The following NAPB variants were observed in gnomAD, a reference collection of about 807,000 sequenced individuals.
The protein encoded by NAPB is NSF attachment protein beta.
Under a neutral mutation model 44.7 loss-of-function variants are expected in NAPB, and 26 were observed. The observed-to-expected ratio is 0.58, with a 90% confidence interval of 0.43 to 0.81. The LOEUF is 0.81. Ranked by LOEUF, NAPB falls within the 30% of genes least tolerant of loss-of-function variation. NAPB has a pLI of 0.00. For synonymous variants in NAPB, 120 were observed against 116.8 expected, an observed-to-expected ratio of 1.03 and a Z score of -0.18; for missense variants, 315 against 356.4, an observed-to-expected ratio of 0.88 and a Z score of 0.94.
intron 1 of NAPB, among the ~76,000 whole-genome samples, chr20:23,410,999 C>G (rs1005596890): frequency 6.6e-6 from 1 of 152,038 alleles, no homozygotes; most frequent in Non-Finnish European, 1.5e-5. Flanking sequence ...AAGGGGAAAG[C>G]AGATTCTACT....
At chr20:23,404,793 T>C (rs1249917865) in intron 1 of NAPB, among the ~76,000 whole-genome samples, 1 of 152,162 alleles carries the variant, frequency 6.6e-6, no homozygotes, top group Non-Finnish European at 1.5e-5. Flanking sequence ...AAACCACACA[T>C]GTGATACCAC....
intron 5 of NAPB, among the ~76,000 whole-genome samples, chr20:23,394,485 G>A (rs1469660847): frequency 4.6e-5 from 7 of 152,278 alleles, no homozygotes; most frequent in South Asian, 2.1e-4. Flanking sequence ...GCAGGCAGGT[G>A]GATACAGTAA....
chr20:23,407,191 T>TA (rs1985314398), intron 1 of NAPB, among the ~76,000 whole-genome samples: 1 of 152,234 alleles, frequency 6.6e-6, no homozygotes, highest in African/African-American at 2.4e-5. Flanking sequence ...ACCATAACTT[T>TA]AAAACTTCCT....
In NAPB at chr20:23,377,394, T is replaced by C. The variant is rs1268164903; in HGVS notation, c.879A>G (p.Gly293=). 1 of 1,593,188 alleles carries C rather than the reference T, an allele frequency of 6.3e-7. No homozygotes were observed. Among genetic ancestry groups the C allele is most frequent in the East Asian group, 2.3e-5 (1 of 44,424 alleles). Residue 293 remains glycine, a synonymous_variant, in exon 11 of 11, where the codon GGA becomes GGG. Coordinates refer to ENST00000377026, the MANE Select transcript of NAPB (RefSeq NM_022080.3). ...AAACATTTCATTTTAGGTCTCCATC[T>C]CCTTCTCCATCCCCTTGGATGGACT... The part of the protein sequence containing the change: ...IKKSIQGDGE[G]DGDLK
chr20:23,380,462 TG>T (rs1167014860), intron 8 of NAPB, among the ~76,000 whole-genome samples: 1 of 152,192 alleles, frequency 6.6e-6, no homozygotes, highest in Non-Finnish European at 1.5e-5. Context: ...CCTGTTGTTT[TG>T]GTTGTTTTTT....
chr20:23,402,947 ATTT>A (rs779330678), intron 2 of NAPB, 43 bp downstream of exon 2: 4 of 1,457,706 alleles, frequency 2.7e-6, no homozygotes, highest in Middle Eastern at 1.8e-4. Context: ...CTTCAAAGTG[ATTT>A]TAAACCATTT....
intron 10 of NAPB, 91 bp from the exon 11 acceptor site, chr20:23,377,577 G>T: frequency 1.7e-6 from 1 of 572,428 alleles, no homozygotes; most frequent in South Asian, 4.9e-5. Context: ...TACCTTTACA[G>T]CCATAATCTA....
intron 5 of NAPB, among the ~76,000 whole-genome samples, chr20:23,393,035 C>A (rs1159383602): frequency 2.6e-5 from 4 of 152,138 alleles, no homozygotes; most frequent in Non-Finnish European, 5.9e-5. Flanking sequence ...AGTGCTCATC[C>A]CCGCAAGACT....
chr20:23,406,331 G>T (rs2123233708), intron 1 of NAPB, among the ~76,000 whole-genome samples: 1 of 152,240 alleles, frequency 6.6e-6, no homozygotes, highest in South Asian at 2.1e-4. Context: ...ATGGTACAGG[G>T]TTTCTTTCTG....
At chr20:23,381,690 A>G (rs1162993242) in intron 7 of NAPB, among the ~76,000 whole-genome samples, 1 of 152,174 alleles carries the variant, frequency 6.6e-6, no homozygotes, top group African/African-American at 2.4e-5. Context: ...TATCCATGGC[A>G]TGAAACTGAA....
intron 1 of NAPB, among the ~76,000 whole-genome samples, chr20:23,415,875 A>AG (rs1985972822): frequency 6.6e-6 from 1 of 152,114 alleles, no homozygotes; most frequent in Non-Finnish European, 1.5e-5. Context: ...CTGAGGTGGG[A>AG]GGATCTCTTG....
At chr20:23,385,653 C>T (rs1983445476) in intron 7 of NAPB, among the ~76,000 whole-genome samples, 1 of 151,662 alleles carries the variant, frequency 6.6e-6, no homozygotes, top group Non-Finnish European at 1.5e-5. Context: ...TGGAGGGTTG[C>T]AGTGAGCTGA....
At chr20:23,381,703 A>T (rs911929931) in intron 7 of NAPB, among the ~76,000 whole-genome samples, 3 of 152,182 alleles carry the variant, frequency 2.0e-5, no homozygotes, top group African/African-American at 7.2e-5. Flanking sequence ...AAACTGAAGA[A>T]CCAGCAACCC....
intron 5 of NAPB, among the ~76,000 whole-genome samples, chr20:23,392,089 T>C (rs1983999575): frequency 6.6e-6 from 1 of 152,232 alleles, no homozygotes; most frequent in Non-Finnish European, 1.5e-5. Context: ...CATCTGTTAC[T>C]GAGCACCCAC....
rs1245290781 is a variant in NAPB at position 23,374,763 on chromosome 20, T to C, written c.*2613A>G. ...GAAACAATAAATGCACAAGGGCTGG[T>C]GCATATACTTTGGTTACAGTGACGC... On this transcript the variant is annotated 3_prime_UTR_variant, in exon 11 of 11. Coordinates refer to ENST00000377026, the MANE Select transcript of NAPB (RefSeq NM_022080.3). The C allele has an allele frequency of 2.0e-5, 3 of 152,318 alleles. No homozygotes were observed. Among genetic ancestry groups the C allele is most frequent in the Non-Finnish European group, 4.4e-5 (3 of 68,046 alleles). 9.4% of individuals were successfully genotyped at this position (152,318 alleles called of 1,614,324 possible). A position where few individuals can be genotyped will look rare whatever the true frequency, so the allele number is the denominator to read the frequency against.
At chr20:23,403,389 G>A (rs1198406219) in intron 1 of NAPB, among the ~76,000 whole-genome samples, 2 of 152,130 alleles carry the variant, frequency 1.3e-5, no homozygotes, top group Non-Finnish European at 2.9e-5. Context: ...GATCACCTGA[G>A]GTCAGGTGTT....
intron 8 of NAPB, 134 bp from the exon 9 acceptor site, chr20:23,380,069 G>T: frequency 1.7e-6 from 1 of 584,852 alleles, no homozygotes; most frequent in South Asian, 2.9e-5. Context: ...CTCAAAAGCA[G>T]AATCAACATA....
intron 4 of NAPB, 56 bp from the exon 5 acceptor site, chr20:23,395,055 T>C (rs1476602232): frequency 1.2e-6 from 2 of 1,612,286 alleles, no homozygotes; most frequent in Non-Finnish European, 8.5e-7. Context: ...TGAATGCCAG[T>C]TTGGGAACAT....
intron 5 of NAPB, among the ~76,000 whole-genome samples, chr20:23,391,946 A>AG (rs1301472916): frequency 7.2e-5 from 11 of 152,348 alleles, no homozygotes; most frequent in Admixed American, 1.3e-4. Context: ...CAAGCCCATT[A>AG]GTTAAGTGGC....
Sources: allele counts gnomAD v4.1 joint callset (sites outside exome capture counted in the v4.1 genomes callset), GRCh38; gene constraint gnomAD v4.1.1; transcripts MANE v1.5; gene names NCBI Gene and HGNC (gene_info 2026-07-23, HGNC 2026-07-21).